Variants in HPGDS observed in about 807,000 individuals in gnomAD.
HPGDS encodes hematopoietic prostaglandin D synthase.
Under a neutral mutation model 23.1 loss-of-function variants are expected in HPGDS, and 26 were observed. The ratio of observed to expected loss-of-function variants is 1.13; its 90% confidence interval spans 0.83 to 1.56. The LOEUF is 1.56. Ranked by LOEUF, HPGDS falls within the 40% of genes most tolerant of loss-of-function variation. The pLI is 0.00. For synonymous variants in HPGDS, 95 were observed against 77.9 expected, an observed-to-expected ratio of 1.22 and a Z score of -1.16; for missense variants, 268 against 236.4, an observed-to-expected ratio of 1.13 and a Z score of -0.88.
intron 3 of HPGDS, among the ~76,000 whole-genome samples, chr4:94,310,055 A>G (rs1277890782): frequency 6.6e-6 from 1 of 152,132 alleles, no homozygotes; most frequent in Non-Finnish European, 1.5e-5. Flanking sequence ...AGTAGATTGC[A>G]AAAATTTTCT....
intron 2 of HPGDS, among the ~76,000 whole-genome samples, chr4:94,323,214 T>G (rs1168543100): frequency 6.6e-6 from 1 of 152,182 alleles, no homozygotes; most frequent in Non-Finnish European, 1.5e-5. Context: ...AAGTGTGGTG[T>G]GGTGCTGAGA....
chr4:94,304,535 T>G (rs894951207), intron 4 of HPGDS, among the ~76,000 whole-genome samples: 1 of 152,112 alleles, frequency 6.6e-6, no homozygotes, highest in Non-Finnish European at 1.5e-5. Context: ...TGCATCAATA[T>G]TCTGCCTTTG....
At chr4:94,322,297 C>G (rs1463697170) in intron 2 of HPGDS, among the ~76,000 whole-genome samples, 1 of 152,086 alleles carries the variant, frequency 6.6e-6, no homozygotes, top group Admixed American at 6.5e-5. Context: ...AGGGAGGACT[C>G]CCTCTTTTTC....
chr4:94,331,570 A>C (rs944033381), intron 2 of HPGDS, among the ~76,000 whole-genome samples: 1 of 152,162 alleles, frequency 6.6e-6, no homozygotes, highest in East Asian at 1.9e-4. Context: ...TCGTTCATTA[A>C]CTTGAGCTGA....
intron 1 of HPGDS, among the ~76,000 whole-genome samples, chr4:94,338,479 AT>A (rs1228095705): frequency 6.6e-6 from 1 of 152,332 alleles, no homozygotes; most frequent in East Asian, 1.9e-4. Context: ...TAGATACTAA[AT>A]GCTTTTAAAA....
chr4:94,329,283 C>T (rs1756692354), intron 2 of HPGDS, among the ~76,000 whole-genome samples: 1 of 152,020 alleles, frequency 6.6e-6, no homozygotes, highest in Non-Finnish European at 1.5e-5. Flanking sequence ...TATAAATTGC[C>T]CTGGTCACAC....
At chr4:94,317,519 A>G (rs775123729) in intron 3 of HPGDS, among the ~76,000 whole-genome samples, 14 of 152,188 alleles carry the variant, frequency 9.2e-5, no homozygotes, top group South Asian at 2.1e-4. Flanking sequence ...TCCATATGCC[A>G]TATGTATTTT....
At chr4:94,332,739 C>G (rs140029027) in intron 2 of HPGDS, among the ~76,000 whole-genome samples, 229 of 152,332 alleles carry the variant, frequency 1.5e-3, no homozygotes, top group African/African-American at 5.2e-3. Flanking sequence ...TATGTCAGCT[C>G]AACTTTTCGA....
chr4:94,302,516 A>C (rs1756063140), intron 4 of HPGDS, among the ~76,000 whole-genome samples: 1 of 152,138 alleles, frequency 6.6e-6, no homozygotes, highest in African/African-American at 2.4e-5. Flanking sequence ...TTTTACCCAC[A>C]AAATCTTATT....
chr4:94,335,809 ATAGTT>A (rs1390939403), intron 1 of HPGDS, among the ~76,000 whole-genome samples: 1 of 152,240 alleles, frequency 6.6e-6, no homozygotes, highest in African/African-American at 2.4e-5. Context: ...GTGAGTTTAA[ATAGTT>A]TATTCACTAC....
chr4:94,335,376 T>A (rs1221864772), intron 1 of HPGDS, among the ~76,000 whole-genome samples: 4 of 152,364 alleles, frequency 2.6e-5, no homozygotes, highest in Non-Finnish European at 1.5e-5. Flanking sequence ...ATTCAGTCAT[T>A]ATAATTTTAT....
intron 2 of HPGDS, among the ~76,000 whole-genome samples, chr4:94,331,673 A>G (rs1756739210): frequency 6.6e-6 from 1 of 152,112 alleles, no homozygotes; most frequent in Non-Finnish European, 1.5e-5. Context: ...TATGGATCTC[A>G]CCATTTAGTT....
At chr4:94,315,612 T>G (rs1756381176) in intron 3 of HPGDS, among the ~76,000 whole-genome samples, 1 of 152,144 alleles carries the variant, frequency 6.6e-6, no homozygotes, top group Admixed American at 6.5e-5. Flanking sequence ...ATGGATTGCT[T>G]TTGTAAAACT....
intron 5 of HPGDS, among the ~76,000 whole-genome samples, chr4:94,301,377 A>G (rs969285363): frequency 1.3e-5 from 2 of 152,206 alleles, no homozygotes; most frequent in Admixed American, 6.5e-5. Context: ...GCCTACGCCA[A>G]TTAATTTTTC....
intron 3 of HPGDS, among the ~76,000 whole-genome samples, chr4:94,313,576 T>C (rs1756328165): frequency 6.6e-6 from 1 of 152,224 alleles, no homozygotes; most frequent in African/African-American, 2.4e-5. Context: ...TAACATTTTT[T>C]CCTTCATTTC....
At chr4:94,314,049 T>G (rs1407008085) in intron 3 of HPGDS, among the ~76,000 whole-genome samples, 1 of 152,180 alleles carries the variant, frequency 6.6e-6, no homozygotes, top group African/African-American at 2.4e-5. Flanking sequence ...CTAATCTTTT[T>G]TCAAGGTTTT....
At chr4:94,327,359 C>A (rs572951177) in intron 2 of HPGDS, among the ~76,000 whole-genome samples, 1 of 152,224 alleles carries the variant, frequency 6.6e-6, no homozygotes, top group South Asian at 2.1e-4. Flanking sequence ...GTTCTCAGGT[C>A]TCCTGAGAGT....
chr4:94,313,465 C>T (rs377077238), intron 3 of HPGDS, among the ~76,000 whole-genome samples: 1 of 152,124 alleles, frequency 6.6e-6, no homozygotes, highest in Non-Finnish European at 1.5e-5. Context: ...GAATATTGGC[C>T]CCCACTCTCT....
chr4:94,308,436 G>A (rs1451682766), intron 4 of HPGDS, among the ~76,000 whole-genome samples, 198 bp downstream of exon 4: 1 of 152,064 alleles, frequency 6.6e-6, no homozygotes, highest in Non-Finnish European at 1.5e-5. Flanking sequence ...GTTTTAAAAG[G>A]GTTGCATCTG....
Sources: gnomAD v4.1 joint callset for allele counts (sites outside exome capture counted in the v4.1 genomes callset) on GRCh38, gnomAD v4.1.1 for gene constraint, MANE v1.5 for transcripts, NCBI Gene and HGNC (gene_info 2026-07-23, HGNC 2026-07-21) for gene names.